The following TBC1D5 variants were observed in gnomAD, a reference collection of about 807,000 sequenced individuals.
TBC1D5 encodes the protein TBC1 domain family member 5.
TBC1D5 carries 75 observed loss-of-function variants against 100.3 expected under a neutral mutation model. The ratio of observed to expected loss-of-function variants is 0.75; its 90% CI spans 0.62 to 0.91. The LOEUF is 0.91. Ranked by LOEUF, TBC1D5 falls within the 40% of genes least tolerant of loss-of-function variation. The pLI, the probability that TBC1D5 is intolerant of heterozygous loss-of-function variation, is 0.00. For missense variants in TBC1D5, 910 were observed against 942.4 expected, an observed-to-expected ratio of 0.97 and a Z score of 0.45; for synonymous variants, 323 against 325.6, an observed-to-expected ratio of 0.99 and a Z score of 0.09.
At chr3:17,509,578 C>A (rs928876640) in intron 2 of TBC1D5, among the ~76,000 whole-genome samples, 4 of 151,924 alleles carry the variant, frequency 2.6e-5, no homozygotes, top group Non-Finnish European at 5.9e-5. Context: ...TACTGTTTCT[C>A]TGACATTTGT....
chr3:17,722,794 A>G (rs905168850), intron 1 of TBC1D5, among the ~76,000 whole-genome samples: 4 of 152,202 alleles, frequency 2.6e-5, no homozygotes, highest in African/African-American at 9.6e-5. Context: ...GATCCATTTA[A>G]CTTTAAGGTC....
intron 2 of TBC1D5, among the ~76,000 whole-genome samples, chr3:17,591,168 A>G (rs898766552): frequency 7.2e-6 from 1 of 139,424 alleles, no homozygotes; most frequent in Non-Finnish European, 1.5e-5. Context: ...CCCAGGAGGC[A>G]GAGCTTGCAG....
At chr3:17,499,010 G>A (rs113082759) in intron 3 of TBC1D5, among the ~76,000 whole-genome samples, 2 of 152,138 alleles carry the variant, frequency 1.3e-5, no homozygotes, top group African/African-American at 4.8e-5. Flanking sequence ...GGTGGCAGGG[G>A]AGGGCACTGA....
intron 1 of TBC1D5, among the ~76,000 whole-genome samples, chr3:17,737,173 T>C (rs1381266230): frequency 6.6e-6 from 1 of 152,150 alleles, no homozygotes; most frequent in Non-Finnish European, 1.5e-5. Context: ...GCCGTTTTTC[T>C]CTGATGTATC....
At chr3:17,281,261 A>T (rs1284613428) in intron 15 of TBC1D5, among the ~76,000 whole-genome samples, 3 of 152,260 alleles carry the variant, frequency 2.0e-5, no homozygotes, top group Non-Finnish European at 4.4e-5. Flanking sequence ...ATGAATAAAA[A>T]TAGTATTTTA....
chr3:17,241,995 CTGGGAGG>C (rs1470275084), intron 16 of TBC1D5, among the ~76,000 whole-genome samples: 1 of 152,154 alleles, frequency 6.6e-6, no homozygotes, highest in Non-Finnish European at 1.5e-5. Flanking sequence ...AATTTCTATT[CTGGGAGG>C]TTGGTTCCTC....
intron 19 of TBC1D5, among the ~76,000 whole-genome samples, chr3:17,180,272 G>A (rs1254872978): frequency 6.6e-6 from 1 of 152,160 alleles, no homozygotes; most frequent in East Asian, 1.9e-4. Context: ...AACACAAATG[G>A]CCTTCTAGTT....
chr3:17,668,930 T>C lies in TBC1D5; in HGVS notation c.-100-45017A>G, dbSNP rs1236721877. 5.3e-5 allele frequency among the ~76,000 whole-genome samples: 8 copies of C among 152,248 alleles called. No homozygotes were observed. The East Asian group carries it at 1.5e-3, about 29-fold the overall frequency. ...GAATCCCAGCTCCCCCATCTCCAAG[T>C]TGCACAACCCAGGGCAAGTAGTTTA... On this transcript the variant is annotated intron_variant, in intron 1 of 21. Coordinates refer to ENST00000253692, the Ensembl canonical transcript of TBC1D5.
chr3:17,502,237 T>A (rs1285905563), intron 3 of TBC1D5, among the ~76,000 whole-genome samples: 1 of 149,840 alleles, frequency 6.7e-6, no homozygotes, highest in Non-Finnish European at 1.5e-5. Context: ...AATTCACTTA[T>A]ATGAAATATA....
chr3:17,513,996 CTAA>C (rs1256021848), intron 2 of TBC1D5, among the ~76,000 whole-genome samples: 2 of 151,282 alleles, frequency 1.3e-5, no homozygotes, highest in Non-Finnish European at 2.9e-5. Context: ...TAACAATGTT[CTAA>C]AGTCTTAATT....
chr3:17,591,233 C>CAAAA (rs60889092), intron 2 of TBC1D5, among the ~76,000 whole-genome samples: 213 of 18,636 alleles, frequency 0.011, 36 homozygotes, highest in East Asian at 0.02. Context: ...AAGGATCTGT[C>CAAAA]AAAAAAAAAA....
intron 14 of TBC1D5, among the ~76,000 whole-genome samples, chr3:17,294,168 C>T (rs1454166389): frequency 6.6e-6 from 1 of 152,060 alleles, no homozygotes; most frequent in African/African-American, 2.4e-5. Context: ...AAACCAATCT[C>T]CAGAAAAGCT....
intron 13 of TBC1D5, among the ~76,000 whole-genome samples, chr3:17,350,822 C>T (rs1261325827): frequency 6.6e-6 from 1 of 152,092 alleles, no homozygotes; most frequent in Non-Finnish European, 1.5e-5. Context: ...TTGGAATAAA[C>T]ACCCTGACAA....
chr3:17,422,450 G>C (rs965631082), intron 4 of TBC1D5, among the ~76,000 whole-genome samples: 10 of 151,592 alleles, frequency 6.6e-5, no homozygotes, highest in African/African-American at 2.4e-4. Context: ...GCCTCCAAAA[G>C]CGCTGAGATT....
chr3:17,665,775 A>C (rs1349462727), intron 1 of TBC1D5, among the ~76,000 whole-genome samples: 1 of 152,182 alleles, frequency 6.6e-6, no homozygotes, highest in Non-Finnish European at 1.5e-5. Flanking sequence ...TAAACAATCC[A>C]AATCTTTTTG....
At chr3:17,532,381 G>T (rs1253045572) in intron 2 of TBC1D5, among the ~76,000 whole-genome samples, 1 of 152,212 alleles carries the variant, frequency 6.6e-6, no homozygotes, top group Non-Finnish European at 1.5e-5. Flanking sequence ...CTTTTACACT[G>T]TTGGTGGGAC....
chr3:17,566,908 G>C (rs1474450632), intron 2 of TBC1D5, among the ~76,000 whole-genome samples: 1 of 151,764 alleles, frequency 6.6e-6, no homozygotes, highest in African/African-American at 2.4e-5. Flanking sequence ...TGGTAAACAA[G>C]AACCTAGTCC....
chr3:17,345,168 C>T (rs1284773166), intron 13 of TBC1D5, among the ~76,000 whole-genome samples: 235 of 152,008 alleles, frequency 1.5e-3, no homozygotes, highest in African/African-American at 5.4e-3. Context: ...GCAACCTACT[C>T]ATCTGACAAA....
At chr3:17,217,183 T>C (rs1175715581) in intron 17 of TBC1D5, among the ~76,000 whole-genome samples, 3 of 152,154 alleles carry the variant, frequency 2.0e-5, no homozygotes, top group African/African-American at 4.8e-5. Flanking sequence ...TAAAAGTTCA[T>C]CTATGTTATA....
Sources: gnomAD v4.1 joint callset for allele counts (sites outside exome capture counted in the v4.1 genomes callset) on GRCh38, gnomAD v4.1.1 for gene constraint, MANE v1.5 for transcripts, NCBI Gene and HGNC (gene_info 2026-07-23, HGNC 2026-07-21) for gene names.